The following CAGE1 variants were observed in gnomAD, a reference collection of about 807,000 sequenced individuals.
The protein encoded by CAGE1 is cancer antigen 1.
In CAGE1, 66 loss-of-function variants were observed where a neutral mutation model predicts 94.9. The ratio of observed to expected loss-of-function variants is 0.70; its 90% CI spans 0.57 to 0.85. The LOEUF (loss-of-function observed/expected upper bound fraction) is 0.85. CAGE1 is among the 40% of genes least tolerant of loss of function. The pLI, the probability that CAGE1 is intolerant of heterozygous loss-of-function variation, is 0.00. For synonymous variants in CAGE1, 319 were observed against 321.0 expected (o/e 0.99, Z 0.07); for missense variants, 865 against 950.4 (o/e 0.91, Z 1.18).
rs371077557 is a variant in CAGE1, at chr6:7,378,307, T to A, written c.687+310A>T. On this transcript the variant is annotated intron_variant, in intron 4 of 13. Coordinates refer to ENST00000502583, the MANE Select transcript of CAGE1 (RefSeq NM_001170692.2). ...GATCCTTAGAGAAATTACCATTTGG[T>A]AGAGCTAATCCTCAAGTATGGACTT... Among the ~76,000 whole-genome samples, 27 of 152,358 alleles carry A rather than the reference T, an allele frequency of 1.8e-4. No individual in the cohort carries two copies. The South Asian group carries it at 5.4e-3, about 30-fold the overall frequency.
intron 12 of CAGE1, among the ~76,000 whole-genome samples, chr6:7,333,094 G>A (rs1489397655): frequency 6.6e-6 from 1 of 152,070 alleles, no homozygotes; most frequent in Non-Finnish European, 1.5e-5. Flanking sequence ...GGGATTACAG[G>A]TGCCCACCAC....
intron 3 of CAGE1, 48 bp downstream of exon 3, chr6:7,385,729 CGGAACACA>C: frequency 1.9e-6 from 2 of 1,047,144 alleles, no homozygotes; most frequent in Non-Finnish European, 2.7e-6. Flanking sequence ...GTTACTATCA[CGGAACACA>C]AAAAAAAGTT....
intron 7 of CAGE1, 59 bp from the exon 8 acceptor site, chr6:7,365,943 T>C (rs901638442): frequency 2.1e-5 from 22 of 1,032,064 alleles, no homozygotes; most frequent in African/African-American, 4.9e-5. Flanking sequence ...CTCTAATATT[T>C]ATAATAAAAT....
Position 7,389,718 on chromosome 6 carries a change from T to A in CAGE1, c.-540A>T, listed in dbSNP as rs976353596. 5.5e-6 allele frequency: 3 copies of A among 548,402 alleles called. No individual in the cohort carries two copies. The East Asian group carries it at 9.4e-5, about 17-fold the overall frequency. The allele number at this position is 548,402 out of a possible 1,614,324, so 34.0% of individuals were successfully genotyped here. A position where few individuals can be genotyped will look rare whatever the true frequency, so the allele number is the denominator to read the frequency against. ...AGAGCACAGAACATCCACAGCCCTATACAGCGCGCCATCCAGAGAGCTCCG... is the reference window on the plus strand; with the variant it reads ...AGAGCACAGAACATCCACAGCCCTAAACAGCGCGCCATCCAGAGAGCTCCG... On this transcript the variant is annotated 5_prime_UTR_variant, in exon 1 of 14. Coordinates refer to ENST00000502583, the MANE Select transcript of CAGE1 (RefSeq NM_001170692.2).
At chr6:7,338,033 A>T (rs1177031564) in intron 11 of CAGE1, among the ~76,000 whole-genome samples, 2 of 152,162 alleles carry the variant, frequency 1.3e-5, no homozygotes, top group Non-Finnish European at 2.9e-5. Context: ...AGTCTTTTAC[A>T]TACTTTCGCC....
chr6:7,385,741 A>C (rs891843748), intron 3 of CAGE1, 44 bp downstream of exon 3: 129 of 1,253,726 alleles, frequency 1.0e-4, no homozygotes, highest in Non-Finnish European at 1.4e-4. Flanking sequence ...GAACACAAAA[A>C]AAAGTTTCTC....
chr6:7,346,568 T>C (rs2326902), intron 11 of CAGE1, among the ~76,000 whole-genome samples: 84,151 of 150,096 alleles, frequency 0.56, 25,932 homozygotes, highest in African/African-American at 0.84. Context: ...AAAAGTTAGC[T>C]GGGCACGGTG....
rs148075529 is a variant in CAGE1, at chr6:7,384,011, A to G, written c.283+1774T>C. Among the ~76,000 whole-genome samples, 399 of 152,302 alleles carry G rather than the reference A, an allele frequency of 2.6e-3. 4 individuals are homozygous for G. Among genetic ancestry groups the G allele is most frequent in the African/African-American group, 9.0e-3 (375 of 41,566 alleles). On this transcript the variant is annotated intron_variant, in intron 3 of 13. Coordinates refer to ENST00000502583, the MANE Select transcript of CAGE1 (RefSeq NM_001170692.2). Reference sequence around the variant, plus strand: ...CTTCTAAACTTTCTTATTAGTTTTAATAGCTCATCTGTAGGTGCTTATGAC... The same window carrying G: ...CTTCTAAACTTTCTTATTAGTTTTAGTAGCTCATCTGTAGGTGCTTATGAC...
chr6:7,339,180 C>G lies in CAGE1; in HGVS notation c.2370-5090G>C. 1 of 1,518,162 alleles carries G rather than the reference C, an allele frequency of 6.6e-7. No homozygotes were observed. The highest frequency in any genetic ancestry group is 9.1e-7 in the Non-Finnish European group (1 of 1,093,908). The allele number at this position is 1,518,162 out of a possible 1,614,324, so 94.0% of individuals were successfully genotyped here. A position where few individuals can be genotyped will look rare whatever the true frequency, so the allele number is the denominator to read the frequency against. On this transcript the variant is annotated intron_variant, in intron 11 of 13. Transcript: ENST00000502583. The surrounding 1 kb of genome is among the most constrained non-coding windows in gnomAD (Gnocchi z 4.7). ...CACCACGACCTCACAGCCTTTGGCC[C>G]CAGTTTCCATGATGAACCGCGACAC...
intron 11 of CAGE1, among the ~76,000 whole-genome samples, chr6:7,344,452 C>T (rs750771198): frequency 3.9e-5 from 6 of 152,250 alleles, no homozygotes; most frequent in Non-Finnish European, 5.9e-5. Context: ...GCTGCCTTCC[C>T]GCAGGGCAGG....
At chr6:7,347,175 C>T (rs1759579547) in intron 11 of CAGE1, among the ~76,000 whole-genome samples, 1 of 152,040 alleles carries the variant, frequency 6.6e-6, no homozygotes, top group African/African-American at 2.4e-5. Flanking sequence ...AGAATGACTG[C>T]AAGAACAAAT....
intron 4 of CAGE1, 84 bp downstream of exon 4, chr6:7,378,533 T>G: frequency 1.6e-6 from 2 of 1,257,518 alleles, no homozygotes; most frequent in Non-Finnish European, 2.2e-6. Context: ...GTACCTCCTC[T>G]GCTTTATAAT....
rs1554138214 is a variant in CAGE1, at chr6:7,358,029, T to TATATAG, written c.2194-1901_2194-1900insCTATAT. ...GACTGCGGTTAGGTAAGTTTTGAGA[T>TATATAG]ATATATATATATATATATATATATA... is the stretch of plus-strand genomic sequence containing the variant. On this transcript the variant is annotated intron_variant, in intron 9 of 13. Transcript: ENST00000502583. Among the ~76,000 whole-genome samples, 5 of 13,578 alleles carry TATATAG rather than the reference T, an allele frequency of 3.7e-4. No individual in the cohort carries two copies. The East Asian group carries it at 5.8e-3, about 16-fold the overall frequency. 8.9% of individuals were successfully genotyped at this position (13,578 alleles called of 152,430 possible).
chr6:7,333,043 C>T (rs982560307), intron 12 of CAGE1, among the ~76,000 whole-genome samples: 11 of 151,994 alleles, frequency 7.2e-5, no homozygotes, highest in South Asian at 2.1e-4. Flanking sequence ...CTCTGCCTCC[C>T]GGGTTCAAGC....
chr6:7,351,477 C>T lies in CAGE1; in HGVS notation c.2369+3564G>A, dbSNP rs1482518077. Among the ~76,000 whole-genome samples the T allele has an allele frequency of 2.0e-5, 3 of 148,228 alleles. No individual in the cohort carries two copies. The East Asian group carries it at 5.9e-4, about 29-fold the overall frequency. ...GCCAGCATCACCCTAATACCAAAACCAGGAAAGAACACAAATCAAAAAAGA... is the reference window on the plus strand; with the variant it reads ...GCCAGCATCACCCTAATACCAAAACTAGGAAAGAACACAAATCAAAAAAGA... On this transcript the variant is annotated intron_variant, in intron 11 of 13. Coordinates refer to ENST00000502583, the MANE Select transcript of CAGE1 (RefSeq NM_001170692.2).
intron 11 of CAGE1, chr6:7,341,540 CA>C (rs1204321061): frequency 4.9e-6 from 6 of 1,225,954 alleles, no homozygotes; most frequent in Non-Finnish European, 7.2e-6. Flanking sequence ...TTGATTAGCA[CA>C]AGGCCTCGGA....
intron 9 of CAGE1, among the ~76,000 whole-genome samples, chr6:7,359,895 C>T (rs751196781): frequency 6.6e-6 from 1 of 152,194 alleles, no homozygotes; most frequent in Non-Finnish European, 1.5e-5. Flanking sequence ...TCACACAACA[C>T]AAAGTGATTA....
intron 1 of CAGE1, among the ~76,000 whole-genome samples, chr6:7,387,953 G>C (rs1761181558): frequency 6.8e-6 from 1 of 147,084 alleles, no homozygotes. Flanking sequence ...AGAATGGCGT[G>C]AACCCCGGAG....
intron 10 of CAGE1, 75 bp downstream of exon 10, chr6:7,355,950 G>T: frequency 1.3e-6 from 1 of 790,854 alleles, no homozygotes; most frequent in Non-Finnish European, 2.1e-6. Context: ...GCTGTAGTTA[G>T]CACTGCACTG....
Sources: allele counts gnomAD v4.1 joint callset (sites outside exome capture counted in the v4.1 genomes callset), GRCh38; gene constraint gnomAD v4.1.1; non-coding constraint Gnocchi (gnomAD v3.1); transcripts MANE v1.5; gene names NCBI Gene and HGNC (gene_info 2026-07-23, HGNC 2026-07-21).